The following RPA3 variants were observed in gnomAD, a reference collection of about 807,000 sequenced individuals.
The protein encoded by RPA3 is replication protein A 14 kDa subunit.
Under a neutral mutation model 13.7 loss-of-function variants are expected in RPA3, and 24 were observed. The observed-to-expected ratio is 1.75, with a 90% confidence interval of 1.27 to 2.46. The LOEUF is 2.46. Ranked by LOEUF, RPA3 falls within the 30% of genes most tolerant of loss-of-function variation. RPA3 has a pLI of 0.00. For synonymous variants in RPA3, 59 were observed against 51.2 expected (o/e 1.15, Z -0.65); for missense variants, 183 against 151.0 (o/e 1.21, Z -1.11).
intron 3 of RPA3, among the ~76,000 whole-genome samples, chr7:7,686,550 A>G (rs995082779): frequency 6.6e-6 from 1 of 152,220 alleles, no homozygotes; most frequent in African/African-American, 2.4e-5. Flanking sequence ...ATTACTGAGA[A>G]GGCATGCACG....
chr7:7,704,766 C>CAAAAAAAAAAA (rs71011001), intron 2 of RPA3, among the ~76,000 whole-genome samples: 2 of 17,852 alleles, frequency 1.1e-4, no homozygotes, highest in African/African-American at 2.1e-4. Flanking sequence ...GACTCCATCT[C>CAAAAAAAAAAA]AAAAAAAAAA....
intron 2 of RPA3, among the ~76,000 whole-genome samples, chr7:7,701,600 G>A (rs76755787): frequency 0.018 from 2,799 of 152,202 alleles, 85 homozygotes; most frequent in African/African-American, 0.064. Flanking sequence ...GTGCTTTTCT[G>A]ATTCAGAGTT....
intron 2 of RPA3, among the ~76,000 whole-genome samples, chr7:7,688,694 T>C (rs761130998): frequency 3.6e-4 from 55 of 152,216 alleles, no homozygotes; most frequent in Non-Finnish European, 5.9e-4. Context: ...TGTTTTGTAA[T>C]GTTATTTACG....
intron 5 of RPA3, 75 bp from the exon 6 acceptor site, chr7:7,639,219 T>C (rs1784913462): frequency 1.9e-6 from 2 of 1,047,800 alleles, no homozygotes; most frequent in African/African-American, 3.2e-5. Flanking sequence ...ACATTGATCC[T>C]TAGTTGAGCA....
intron 4 of RPA3, among the ~76,000 whole-genome samples, chr7:7,663,841 C>G (rs1012996): frequency 2.6e-5 from 4 of 151,960 alleles, no homozygotes; most frequent in Non-Finnish European, 4.4e-5. Context: ...TTTTATACAA[C>G]TGATCTCCTA....
intron 4 of RPA3, among the ~76,000 whole-genome samples, chr7:7,647,187 G>A (rs1457281782): frequency 6.6e-6 from 1 of 152,164 alleles, no homozygotes; most frequent in African/African-American, 2.4e-5. Flanking sequence ...GTTTTTATAA[G>A]CAGGTGTACA....
intron 4 of RPA3, among the ~76,000 whole-genome samples, chr7:7,669,025 C>T (rs767895337): frequency 9.9e-5 from 15 of 151,216 alleles, no homozygotes; most frequent in Admixed American, 5.9e-4. Context: ...CCCACACAGA[C>T]GTAGGGAGAA....
intron 7 of RPA3, 79 bp from the exon 8 acceptor site, chr7:7,637,161 T>A (rs1467564908): frequency 1.9e-5 from 20 of 1,051,782 alleles, no homozygotes; most frequent in Non-Finnish European, 2.9e-5. Context: ...TATTTTTACC[T>A]ATTTCCTTTT....
chr7:7,642,016 T>C (rs1160528130), intron 4 of RPA3, among the ~76,000 whole-genome samples: 3 of 152,222 alleles, frequency 2.0e-5, no homozygotes, highest in Non-Finnish European at 4.4e-5. Flanking sequence ...TGTGGTTGTA[T>C]TGGTGCAAGT....
chr7:7,685,463 C>A (rs1002100984), intron 4 of RPA3, among the ~76,000 whole-genome samples: 1 of 152,050 alleles, frequency 6.6e-6, no homozygotes, highest in Non-Finnish European at 1.5e-5. Flanking sequence ...GTGTGCGCCA[C>A]CACGCCCACC....
rs1784870975 is a variant in RPA3 at position 7,636,565 on chromosome 7, T to A, written c.*435A>T. ...AAGTAGGGTATCAAGGAAATAATTA[T>A]CAAGGTATAGTTTGGGAAAAGGTGA... On this transcript the variant is annotated 3_prime_UTR_variant, in exon 8 of 8. Coordinates refer to ENST00000223129, the MANE Select transcript of RPA3 (RefSeq NM_002947.5). The A allele has an allele frequency of 6.4e-6, 1 of 156,624 alleles. No individual in the cohort carries two copies. Among genetic ancestry groups the A allele is most frequent in the East Asian group, 1.9e-4 (1 of 5,284 alleles). 9.7% of individuals were successfully genotyped at this position (156,624 alleles called of 1,614,324 possible). A position where few individuals can be genotyped will look rare whatever the true frequency, so the allele number is the denominator to read the frequency against.
rs188410033 is a variant in RPA3 at position 7,691,479 on chromosome 7, C to A, written c.-1027-4151G>T. Among the ~76,000 whole-genome samples the A allele has an allele frequency of 3.0e-4, 46 of 152,284 alleles. 2 individuals carry two copies. Among genetic ancestry groups the A allele is most frequent in the Non-Finnish European group, 5.4e-4 (37 of 68,034 alleles). ...AATATCAGTATTTACTACTGTCCTG[C>A]AAAGAGCATTTTGACTTCAAGCCTT... On this transcript the variant is annotated intron_variant, in intron 2 of 7. Coordinates refer to ENST00000223129, the MANE Select transcript of RPA3 (RefSeq NM_002947.5).
At position 7,637,924 on chromosome 7, in the gene RPA3, C is replaced by T. The variant is rs777846960; in HGVS notation, c.223G>A (p.Ala75Thr). The T allele has an allele frequency of 9.9e-6, 16 of 1,613,474 alleles. No homozygotes were observed. The highest frequency in any genetic ancestry group is 5.5e-5 in the South Asian group (5 of 91,054). ...GATGTACACAAGATGGTGGCCTTGG[C>T]GGTTACTCTTCCAACCACTTCCACA... ...GIVEVVGRVT[A>T]KATILCTSYV... is the part of the protein sequence containing the mutation. The change falls in exon 7 of 8, where the codon GCC becomes ACC. Residue 75 changes from alanine to threonine, a missense_variant. Coordinates refer to ENST00000223129, the MANE Select transcript of RPA3 (RefSeq NM_002947.5).
In RPA3 at chr7:7,640,810, G is replaced by C. The variant is rs540630676; in HGVS notation, c.-392C>G. ...GTGCTGGTGCGGCGGGGGACTGCGG[G>C]GCCAGCCTCAGGTACCTCGTCTCGC... On this transcript the variant is annotated 5_prime_UTR_variant, in exon 5 of 8. Coordinates refer to ENST00000223129, the MANE Select transcript of RPA3 (RefSeq NM_002947.5). 2.7e-4 allele frequency: 56 copies of C among 204,924 alleles called. No individual in the cohort carries two copies. Among genetic ancestry groups the C allele is most frequent in the Non-Finnish European group, 2.9e-4 (29 of 98,816 alleles). 12.7% of individuals were successfully genotyped at this position (204,924 alleles called of 1,614,324 possible).
At chr7:7,674,680 C>T (rs757811695) in intron 4 of RPA3, among the ~76,000 whole-genome samples, 3 of 152,128 alleles carry the variant, frequency 2.0e-5, no homozygotes, top group Non-Finnish European at 2.9e-5. Flanking sequence ...CTAATATGAC[C>T]CTTCCTTCAT....
chr7:7,669,581 A>G (rs568181509), intron 4 of RPA3, among the ~76,000 whole-genome samples: 1 of 152,210 alleles, frequency 6.6e-6, no homozygotes, highest in Non-Finnish European at 1.5e-5. Flanking sequence ...GACTGACCTT[A>G]GGTACCTAGT....
intron 4 of RPA3, among the ~76,000 whole-genome samples, chr7:7,642,962 C>T (rs766840586): frequency 2.0e-5 from 3 of 152,080 alleles, no homozygotes; most frequent in Non-Finnish European, 4.4e-5. Flanking sequence ...CTTCTGACTT[C>T]TTTTGTTTGT....
intron 4 of RPA3, among the ~76,000 whole-genome samples, chr7:7,646,224 A>G (rs1785090441): frequency 6.6e-6 from 1 of 152,168 alleles, no homozygotes; most frequent in African/African-American, 2.4e-5. Context: ...ATCAGGTTAC[A>G]TGGGCTTGAA....
At chr7:7,646,774 C>T (rs995276312) in intron 4 of RPA3, among the ~76,000 whole-genome samples, 7 of 152,022 alleles carry the variant, frequency 4.6e-5, no homozygotes, top group Admixed American at 1.3e-4. Context: ...AAACTCCCCT[C>T]GACACTCAGA....
Sources: allele counts gnomAD v4.1 joint callset (sites outside exome capture counted in the v4.1 genomes callset), GRCh38; gene constraint gnomAD v4.1.1; transcripts MANE v1.5; gene names NCBI Gene and HGNC (gene_info 2026-07-23, HGNC 2026-07-21).